Variants in MAN2A1 observed in about 807,000 individuals in gnomAD.
MAN2A1 encodes alpha-mannosidase 2.
MAN2A1 carries 76 observed loss-of-function variants against 142.6 expected under a neutral mutation model. That is an observed-to-expected ratio of 0.53 (90% CI 0.44 to 0.65). The LOEUF (loss-of-function observed/expected upper bound fraction) is 0.65, where lower values mean the gene tolerates loss of function less well. Among genes scored for constraint, MAN2A1 ranks in the 30% least tolerant of loss-of-function variants. The pLI, the probability that MAN2A1 is intolerant of heterozygous loss-of-function variation, is 0.00. For missense variants in MAN2A1, 1,311 were observed against 1,365.1 expected (o/e 0.96, Z 0.62); for synonymous variants, 559 against 473.2 (o/e 1.18, Z -2.35).
chr5:109,816,233 T>C (rs7726343), intron 12 of MAN2A1, among the ~76,000 whole-genome samples: 57,361 of 152,004 alleles, frequency 0.38, 11,599 homozygotes, highest in African/African-American at 0.53. Context: ...TTTTCAAATA[T>C]AGTTTACTAA....
At chr5:109,772,092 T>C in intron 7 of MAN2A1, among the ~76,000 whole-genome samples, 1 of 152,122 alleles carries the variant, frequency 6.6e-6, no homozygotes, top group East Asian at 1.9e-4. Context: ...TACTTAGAGA[T>C]TTTTTCTTTT....
chr5:109,726,268 G>T (rs1444729864), intron 3 of MAN2A1, among the ~76,000 whole-genome samples: 2 of 152,050 alleles, frequency 1.3e-5, no homozygotes, highest in East Asian at 1.9e-4. Flanking sequence ...TATATTTCTG[G>T]TTGGTCTCAT....
intron 19 of MAN2A1, among the ~76,000 whole-genome samples, chr5:109,852,901 TAAG>T (rs1327905905): frequency 6.6e-6 from 1 of 152,186 alleles, no homozygotes; most frequent in Non-Finnish European, 1.5e-5. Context: ...GTAAATATGA[TAAG>T]AAAGTACATG....
intron 6 of MAN2A1, among the ~76,000 whole-genome samples, chr5:109,767,947 A>G (rs1753037895): frequency 6.6e-6 from 1 of 152,234 alleles, no homozygotes. Flanking sequence ...GTAGATAAAT[A>G]TAAGGAGTTA....
chr5:109,801,934 G>T (rs1362115823), intron 12 of MAN2A1, among the ~76,000 whole-genome samples: 3 of 151,958 alleles, frequency 2.0e-5, no homozygotes, highest in African/African-American at 7.2e-5. Context: ...TAAGAAAATA[G>T]AATATTTATT....
At chr5:109,713,854 AC>A in intron 2 of MAN2A1, 80 bp downstream of exon 2, 1 of 1,372,576 alleles carries the variant, frequency 7.3e-7, no homozygotes, top group Non-Finnish European at 9.9e-7. Context: ...GTCTGTTCTG[AC>A]TTGGTAAGTT....
chr5:109,847,604 T>C (rs1414426168), intron 18 of MAN2A1, 53 bp from the exon 19 acceptor site: 1 of 1,388,560 alleles, frequency 7.2e-7, no homozygotes, highest in East Asian at 2.9e-5. Context: ...TCAATGAATG[T>C]CAGTATTAAA....
intron 16 of MAN2A1, among the ~76,000 whole-genome samples, chr5:109,841,862 C>T (rs923407432): frequency 5.3e-5 from 8 of 152,152 alleles, no homozygotes; most frequent in African/African-American, 1.9e-4. Flanking sequence ...AGCAATAATA[C>T]ACTGTCACTT....
At chr5:109,779,972 G>A (rs971020066) in intron 8 of MAN2A1, among the ~76,000 whole-genome samples, 2 of 152,008 alleles carry the variant, frequency 1.3e-5, no homozygotes, top group Non-Finnish European at 2.9e-5. Context: ...TATCATTGTT[G>A]TAAATGTTCC....
intron 12 of MAN2A1, among the ~76,000 whole-genome samples, chr5:109,799,277 G>A (rs1240536534): frequency 6.6e-6 from 1 of 152,094 alleles, no homozygotes; most frequent in African/African-American, 2.4e-5. Flanking sequence ...ACTCTTTAAC[G>A]TGGCTTGTGT....
At chr5:109,837,086 T>A (rs759907155) in intron 16 of MAN2A1, among the ~76,000 whole-genome samples, 3 of 148,318 alleles carry the variant, frequency 2.0e-5, no homozygotes, top group Non-Finnish European at 3.0e-5. Context: ...TAGTATGTCT[T>A]CCCATTTTTT....
At chr5:109,723,784 T>C (rs1351241109) in intron 3 of MAN2A1, among the ~76,000 whole-genome samples, 1 of 152,224 alleles carries the variant, frequency 6.6e-6, no homozygotes, top group Non-Finnish European at 1.5e-5. Context: ...CAACTTCCTG[T>C]CTTTTCCATA....
intron 4 of MAN2A1, among the ~76,000 whole-genome samples, chr5:109,753,904 T>G (rs1418143235): frequency 6.6e-6 from 1 of 151,424 alleles, no homozygotes; most frequent in African/African-American, 2.4e-5. Flanking sequence ...TTTTTTTTCT[T>G]TTTTCTTTTT....
At position 109,784,912 on chromosome 5, in the gene MAN2A1, G is replaced by A. The variant is rs1378435108; in HGVS notation, c.1746G>A (p.Val582=). 2.5e-6 allele frequency: 4 copies of A among 1,590,626 alleles called. No individual in the cohort carries two copies. Among genetic ancestry groups the A allele is most frequent in the Non-Finnish European group, 3.4e-6 (4 of 1,172,734 alleles). The change falls in exon 10 of 22, where the codon GTG becomes GTA. Residue 582 remains valine (V), a synonymous_variant. Coordinates refer to ENST00000261483, the MANE Select transcript of MAN2A1 (RefSeq NM_002372.4). ...GAACTGCAAAAGACTGGGTGGTTGT[G>A]GATTATGGTACCAGGTAATCTAATT... ...ITGTAKDWVV[V]DYGTRLFHSL...
chr5:109,724,133 G>A (rs1048181171), intron 3 of MAN2A1, among the ~76,000 whole-genome samples: 6 of 152,174 alleles, frequency 3.9e-5, no homozygotes, highest in Non-Finnish European at 7.3e-5. Flanking sequence ...AAGATTGTAT[G>A]TTACCCCATA....
At chr5:109,692,428 A>G (rs756343104) in intron 1 of MAN2A1, among the ~76,000 whole-genome samples, 24 of 152,152 alleles carry the variant, frequency 1.6e-4, no homozygotes, top group Non-Finnish European at 3.4e-4. Flanking sequence ...TTGGACGGCC[A>G]CTGAATCCTC....
At chr5:109,750,987 A>G (rs1752528994) in intron 4 of MAN2A1, among the ~76,000 whole-genome samples, 1 of 152,092 alleles carries the variant, frequency 6.6e-6, no homozygotes, top group African/African-American at 2.4e-5. Flanking sequence ...GAACATTTCC[A>G]GTCCTCTTTT....
At chr5:109,783,730 A>G (rs1424054205) in intron 9 of MAN2A1, among the ~76,000 whole-genome samples, 1 of 132,786 alleles carries the variant, frequency 7.5e-6, no homozygotes, top group African/African-American at 3.1e-5. Flanking sequence ...TCATCAAGCC[A>G]TGTCTCCTTT....
At chr5:109,759,044 T>TA (rs1752767903) in intron 5 of MAN2A1, among the ~76,000 whole-genome samples, 1 of 152,114 alleles carries the variant, frequency 6.6e-6, no homozygotes, top group African/African-American at 2.4e-5. Flanking sequence ...GTTCTTTTTT[T>TA]AAACTTGTTT....
Sources: allele counts gnomAD v4.1 joint callset (sites outside exome capture counted in the v4.1 genomes callset), GRCh38; gene constraint gnomAD v4.1.1; transcripts MANE v1.5; gene names NCBI Gene and HGNC (gene_info 2026-07-23, HGNC 2026-07-21).